COL8A1: variants seen among roughly 807,000 people sequenced by gnomAD.
COL8A1 encodes collagen type VIII alpha 1 chain.
COL8A1 carries 21 observed loss-of-function variants against 42.7 expected under a neutral mutation model. That is an observed-to-expected ratio of 0.49 (90% confidence interval 0.35 to 0.71). The LOEUF is 0.71. Among genes scored for constraint, COL8A1 ranks in the 30% least tolerant of loss-of-function variants. The pLI is 0.01. For synonymous variants in COL8A1, 367 were observed against 369.1 expected (o/e 0.99, Z 0.06); for missense variants, 788 against 962.4 (o/e 0.82, Z 2.40).
intron 1 of COL8A1, among the ~76,000 whole-genome samples, chr3:99,640,102 G>T (rs886741904): frequency 2.0e-5 from 3 of 152,104 alleles, no homozygotes; most frequent in African/African-American, 7.2e-5. Context: ...ATTCAATGCT[G>T]TTACTCAAAT....
At chr3:99,762,570 A>G (rs906854944) in intron 2 of COL8A1, among the ~76,000 whole-genome samples, 8 of 152,188 alleles carry the variant, frequency 5.3e-5, no homozygotes, top group African/African-American at 1.9e-4. Flanking sequence ...GGACCACAAC[A>G]GATTTCACAG....
intron 1 of COL8A1, among the ~76,000 whole-genome samples, chr3:99,649,915 G>C (rs1366651910): frequency 6.6e-6 from 1 of 152,098 alleles, no homozygotes; most frequent in Non-Finnish European, 1.5e-5. Flanking sequence ...CCATATACCA[G>C]GTTACACAAA....
intron 2 of COL8A1, among the ~76,000 whole-genome samples, chr3:99,756,610 G>A (rs150023679): frequency 1.5e-3 from 234 of 152,318 alleles, no homozygotes; most frequent in African/African-American, 5.4e-3. Flanking sequence ...TTATACTCTT[G>A]AGAAATAAAT....
rs370146268 is a variant in COL8A1, at chr3:99,733,805, C to T, written c.-128-11092C>T. Among the ~76,000 whole-genome samples, 10 of 151,858 alleles carry T rather than the reference C, an allele frequency of 6.6e-5. No individual in the cohort carries two copies. In the East Asian group the frequency reaches 1.7e-3, roughly 26 times the overall value. On this transcript the variant is annotated intron_variant, in intron 1 of 3. Coordinates refer to ENST00000652472, the MANE Select transcript of COL8A1 (RefSeq NM_020351.4). ...TCCTATTTCTCCACATCCTCTCCAG[C>T]ACCTGTTGTTTCCTGACTTTTTAAT...
intron 1 of COL8A1, among the ~76,000 whole-genome samples, chr3:99,720,582 G>T (rs916019371): frequency 1.1e-4 from 17 of 151,980 alleles, no homozygotes; most frequent in Admixed American, 2.0e-4. Context: ...TATTTCAAGG[G>T]AATTACATTC....
chr3:99,722,471 A>C (rs1349722391), intron 1 of COL8A1, among the ~76,000 whole-genome samples: 1 of 152,150 alleles, frequency 6.6e-6, no homozygotes, highest in Non-Finnish European at 1.5e-5. Flanking sequence ...TTATATTAAA[A>C]TATGTAAGTT....
At chr3:99,672,687 A>G (rs546134539) in intron 1 of COL8A1, among the ~76,000 whole-genome samples, 2 of 152,104 alleles carry the variant, frequency 1.3e-5, no homozygotes, top group South Asian at 4.2e-4. Flanking sequence ...TAATTTATCT[A>G]ATAGAATTCT....
At chr3:99,726,741 T>A (rs2107377340) in intron 1 of COL8A1, among the ~76,000 whole-genome samples, 1 of 152,022 alleles carries the variant, frequency 6.6e-6, no homozygotes, top group African/African-American at 2.4e-5. Context: ...GCGTTATTTC[T>A]GAGGGCTCTG....
In COL8A1 at chr3:99,795,453, A is replaced by T; in HGVS notation, c.1552A>T (p.Lys518Ter). 6.6e-7 allele frequency: 1 copy of T among 1,520,984 alleles called. No individual in the cohort carries two copies. Among genetic ancestry groups the T allele is most frequent in the Non-Finnish European group, 8.8e-7 (1 of 1,132,600 alleles). 94.2% of individuals were successfully genotyped at this position (1,520,984 alleles called of 1,614,324 possible). Residue 518 changes from lysine to a stop codon, truncating the protein, a stop_gained, in exon 4 of 4, where the codon AAA becomes TAA. Coordinates refer to ENST00000652472, the MANE Select transcript of COL8A1 (RefSeq NM_020351.4). LOFTEE classifies it high-confidence loss of function. ...TGGACCACCTGGGATTCCAGGCCCCAAAGGGGAGCCGGGCCTCCCAGGGCC... is the reference window on the plus strand; with the variant it reads ...TGGACCACCTGGGATTCCAGGCCCCTAAGGGGAGCCGGGCCTCCCAGGGCC... ...PIGPPGIPGP[K>*]GEPGLPGPPG...
intron 1 of COL8A1, among the ~76,000 whole-genome samples, chr3:99,667,305 T>TA (rs764130144): frequency 6.6e-6 from 1 of 152,156 alleles, no homozygotes. Flanking sequence ...CCATACGTAA[T>TA]AAAAAATAGC....
At chr3:99,716,932 G>T (rs998284687) in intron 1 of COL8A1, among the ~76,000 whole-genome samples, 2 of 151,854 alleles carry the variant, frequency 1.3e-5, no homozygotes, top group South Asian at 2.1e-4. Context: ...TTTCCAAGGG[G>T]TCTAATTCTT....
Position 99,796,083 on chromosome 3 carries a change from G to A in COL8A1, c.2182G>A (p.Ala728Thr), listed in dbSNP as rs1199427264. The A allele has an allele frequency of 1.1e-5, 18 of 1,584,538 alleles. No individual in the cohort carries two copies. Among genetic ancestry groups the A allele is most frequent in the Non-Finnish European group, 1.5e-5 (17 of 1,161,590 alleles). ...MPSEQAAGLYAGQYVHSSFSG... is the reference protein window; with the variant it reads ...MPSEQAAGLYTGQYVHSSFSG... ...CTCAGAACAGGCTGCAGGACTGTATGCCGGGCAGTATGTCCACTCCTCCTT... is the reference window on the plus strand; with the variant it reads ...CTCAGAACAGGCTGCAGGACTGTATACCGGGCAGTATGTCCACTCCTCCTT... The change falls in exon 4 of 4, where the codon GCC becomes ACC. Residue 728 changes from alanine to threonine, a missense_variant. Around this residue, in one of 4 missense-constraint regions of COL8A1, gnomAD observed 212 missense variants for 210.9 expected, o/e 1.00. Coordinates refer to ENST00000652472, the MANE Select transcript of COL8A1 (RefSeq NM_020351.4).
rs75879787 is a variant in COL8A1, at chr3:99,646,565, G to A, written c.-129+7901G>A. 5.3e-5 allele frequency among the ~76,000 whole-genome samples: 8 copies of A among 152,138 alleles called. No homozygotes were observed. In the South Asian group the frequency reaches 1.2e-3, roughly 24 times the overall value. On this transcript the variant is annotated intron_variant, in intron 1 of 3. Transcript: ENST00000652472. Reference sequence around the variant, plus strand: ...GATACTAATTAAGCATGCATTTTACGGTTACTAATTTAGTACGGTAAATGG... The same window carrying A: ...GATACTAATTAAGCATGCATTTTACAGTTACTAATTTAGTACGGTAAATGG...
intron 1 of COL8A1, chr3:99,691,431 G>A (rs1007724352): frequency 3.9e-5 from 6 of 152,058 alleles, no homozygotes; most frequent in Non-Finnish European, 7.4e-5. Flanking sequence ...GAGAAAGTTG[G>A]GGAAGAAGTC....
chr3:99,773,837 A>ATATTATATATATATATATATATTTTT (rs1200212756), intron 2 of COL8A1, among the ~76,000 whole-genome samples: 2 of 45,396 alleles, frequency 4.4e-5, no homozygotes, highest in Non-Finnish European at 3.6e-5. Flanking sequence ...ATATATATAT[A>ATATTATATATATATATATATATTTTT]TTTTTTTTTT....
chr3:99,671,047 C>A (rs1036209115), intron 1 of COL8A1, among the ~76,000 whole-genome samples: 3 of 151,450 alleles, frequency 2.0e-5, no homozygotes, highest in Non-Finnish European at 1.5e-5. Flanking sequence ...TAACTCCTTT[C>A]TGCAAATTCT....
chr3:99,680,936 AT>A (rs1004170457), intron 1 of COL8A1, among the ~76,000 whole-genome samples: 2 of 152,164 alleles, frequency 1.3e-5, no homozygotes, highest in African/African-American at 4.8e-5. Context: ...GGCTAGCCAT[AT>A]GTAGAAAGCT....
intron 1 of COL8A1, among the ~76,000 whole-genome samples, chr3:99,656,275 T>C (rs930749883): frequency 6.6e-6 from 1 of 152,206 alleles, no homozygotes; most frequent in Non-Finnish European, 1.5e-5. Context: ...TAAATGCATA[T>C]AAATTATATG....
Position 99,669,151 on chromosome 3 carries a change from GGAGA to G in COL8A1, c.-129+30515_-129+30518del, listed in dbSNP as rs36015819. On this transcript the variant is annotated intron_variant, in intron 1 of 3. Coordinates refer to ENST00000652472, the MANE Select transcript of COL8A1 (RefSeq NM_020351.4). ...TATATATATATATATATATATAGAG[GGAGA>G]GAGAGAGAGAGAGAGAGAGAGAGAG... Among the ~76,000 whole-genome samples the G allele has an allele frequency of 3.2e-3, 366 of 114,020 alleles. 1 individual carries two copies. Among genetic ancestry groups the G allele is most frequent in the South Asian group, 9.4e-3 (31 of 3,306 alleles). 74.8% of individuals were successfully genotyped at this position (114,020 alleles called of 152,430 possible). A position where few individuals can be genotyped will look rare whatever the true frequency, so the allele number is the denominator to read the frequency against.
Sources: gnomAD v4.1 joint callset for allele counts (sites outside exome capture counted in the v4.1 genomes callset) on GRCh38, gnomAD v4.1.1 for gene constraint, gnomAD v4.1.1 regional missense constraint, MANE v1.5 for transcripts, NCBI Gene and HGNC (gene_info 2026-07-23, HGNC 2026-07-21) for gene names.